CCDC85A: variants seen among roughly 807,000 people sequenced by gnomAD.
CCDC85A encodes the protein coiled-coil domain containing 85A, also known as coiled-coil domain-containing protein 85A.
A neutral mutation model predicts 50.2 loss-of-function variants in CCDC85A; 38 were observed. The ratio of observed to expected loss-of-function variants is 0.76; its 90% CI spans 0.58 to 0.99. CCDC85A has a LOEUF of 0.99. Among genes scored for constraint, CCDC85A ranks in the 50% least tolerant of loss-of-function variants. CCDC85A has a pLI of 0.00. For missense variants in CCDC85A, 820 were observed against 742.0 expected, an observed-to-expected ratio of 1.11 and a Z score of -1.22; for synonymous variants, 366 against 301.4, an observed-to-expected ratio of 1.21 and a Z score of -2.22.
chr2:56,355,824 T>C (rs35700605), intron 3 of CCDC85A, among the ~76,000 whole-genome samples: 15,728 of 152,204 alleles, frequency 0.1, 883 homozygotes, highest in Non-Finnish European at 0.12. Flanking sequence ...TTTCATGACC[T>C]AAAATGCCTC....
At chr2:56,338,965 C>T (rs1209602646) in intron 2 of CCDC85A, among the ~76,000 whole-genome samples, 2 of 152,000 alleles carry the variant, frequency 1.3e-5, no homozygotes, top group Non-Finnish European at 2.9e-5. Context: ...TGTGTTTTAC[C>T]CCCAGGAAGA....
At chr2:56,250,690 G>A (rs182273054) in intron 2 of CCDC85A, among the ~76,000 whole-genome samples, 1 of 152,248 alleles carries the variant, frequency 6.6e-6, no homozygotes, top group East Asian at 1.9e-4. Flanking sequence ...AATTGCTAAT[G>A]TGTGCTTCTT....
At chr2:56,314,140 C>T (rs886693471) in intron 2 of CCDC85A, among the ~76,000 whole-genome samples, 4 of 149,030 alleles carry the variant, frequency 2.7e-5, no homozygotes, top group African/African-American at 7.5e-5. Flanking sequence ...TGAATGAGCT[C>T]GGGCACTTAG....
chr2:56,259,135 A>T (rs1383345584), intron 2 of CCDC85A, among the ~76,000 whole-genome samples: 5 of 152,178 alleles, frequency 3.3e-5, no homozygotes, highest in Non-Finnish European at 5.9e-5. Flanking sequence ...AGTTGGGGTT[A>T]TCATGTACTA....
chr2:56,259,819 A>T (rs1366278926), intron 2 of CCDC85A, among the ~76,000 whole-genome samples: 9 of 152,184 alleles, frequency 5.9e-5, no homozygotes, highest in Admixed American at 5.9e-4. Context: ...TTCAGTACTG[A>T]TGATGACACA....
chr2:56,369,771 T>A (rs1675983869), intron 3 of CCDC85A, among the ~76,000 whole-genome samples: 1 of 152,082 alleles, frequency 6.6e-6, no homozygotes, highest in Non-Finnish European at 1.5e-5. Flanking sequence ...TCCCCCTTTT[T>A]CTTCTTTTCA....
At chr2:56,360,347 G>A (rs11695012) in intron 3 of CCDC85A, among the ~76,000 whole-genome samples, 1 of 152,126 alleles carries the variant, frequency 6.6e-6, no homozygotes, top group Non-Finnish European at 1.5e-5. Flanking sequence ...TTGAGGACAA[G>A]TGACTTGCTG....
intron 2 of CCDC85A, among the ~76,000 whole-genome samples, chr2:56,258,036 A>T (rs1226252058): frequency 6.6e-6 from 1 of 152,148 alleles, no homozygotes; most frequent in Non-Finnish European, 1.5e-5. Context: ...CCATGTTAGG[A>T]TTTATCAGAG....
chr2:56,225,031 C>A (rs1668484837), intron 2 of CCDC85A, among the ~76,000 whole-genome samples: 1 of 151,948 alleles, frequency 6.6e-6, no homozygotes, highest in Non-Finnish European at 1.5e-5. Context: ...CCTATTATTT[C>A]TTCTAAGATA....
chr2:56,210,793 C>A (rs1443814775), intron 2 of CCDC85A, among the ~76,000 whole-genome samples: 1 of 151,964 alleles, frequency 6.6e-6, no homozygotes, highest in Non-Finnish European at 1.5e-5. Context: ...CCTAGCAGAA[C>A]AAGGCAAAAG....
At chr2:56,184,927 C>G (rs1302268495) in intron 1 of CCDC85A, 27 bp downstream of exon 1, 4 of 1,455,574 alleles carry the variant, frequency 2.7e-6, no homozygotes, top group Admixed American at 4.7e-5. Context: ...TGGGGAGGCG[C>G]GGCGCGGCTG....
intron 2 of CCDC85A, chr2:56,235,173 A>T (rs1668951499): frequency 6.6e-6 from 1 of 152,180 alleles, no homozygotes; most frequent in African/African-American, 2.4e-5. Context: ...CCTAATCTGC[A>T]AGCTTGTCTA....
At chr2:56,341,194 T>C (rs776927555) in intron 2 of CCDC85A, among the ~76,000 whole-genome samples, 4 of 152,180 alleles carry the variant, frequency 2.6e-5, no homozygotes, top group Non-Finnish European at 5.9e-5. Flanking sequence ...CAGAGGAAGA[T>C]CATATACCAA....
intron 2 of CCDC85A, among the ~76,000 whole-genome samples, chr2:56,324,691 C>T (rs1227431497): frequency 2.0e-5 from 3 of 151,886 alleles, no homozygotes; most frequent in Admixed American, 1.3e-4. Context: ...GTGTTTATTC[C>T]ATAAAGTCAA....
At chr2:56,287,842 T>C (rs1292479898) in intron 2 of CCDC85A, among the ~76,000 whole-genome samples, 1 of 152,236 alleles carries the variant, frequency 6.6e-6, no homozygotes, top group Admixed American at 6.5e-5. Flanking sequence ...CATATAAATG[T>C]GGACTACTTT....
intron 2 of CCDC85A, among the ~76,000 whole-genome samples, chr2:56,321,357 G>A (rs879206128): frequency 6.6e-6 from 1 of 152,184 alleles, no homozygotes; most frequent in Non-Finnish European, 1.5e-5. Context: ...AATTGTCCCT[G>A]TTTGCAGATG....
rs2104413293 is a variant in CCDC85A at position 56,384,450 on chromosome 2, C to T, written c.*95C>T. On this transcript the variant is annotated 3_prime_UTR_variant, in exon 6 of 6. Transcript: ENST00000407595. ...GAGTGGGTTTCCACAAACCTGGACT[C>T]ATGGAATAACATGGAGTGATTGTAC... 2 of 952,952 alleles carry T rather than the reference C, an allele frequency of 2.1e-6. No individual in the cohort carries two copies. The highest frequency in any genetic ancestry group is 3.3e-6 in the Non-Finnish European group (2 of 602,866). The allele number at this position is 952,952 out of a possible 1,614,324, so 59.0% of individuals were successfully genotyped here.
chr2:56,314,925 G>A lies in CCDC85A; in HGVS notation c.1241-27954G>A, dbSNP rs552029318. Among the ~76,000 whole-genome samples, 6 of 152,244 alleles carry A rather than the reference G, an allele frequency of 3.9e-5. No homozygotes were observed. In the South Asian group the frequency reaches 1.2e-3, roughly 32 times the overall value. ...TTCCCAGATCATCACTTAGAGGAAAGGGTGTGGATAGAGACTGTAATTGTT... is the reference window on the plus strand; with the variant it reads ...TTCCCAGATCATCACTTAGAGGAAAAGGTGTGGATAGAGACTGTAATTGTT... On this transcript the variant is annotated intron_variant, in intron 2 of 5. Coordinates refer to ENST00000407595, the MANE Select transcript of CCDC85A (RefSeq NM_001080433.2).
rs530553099 is a variant in CCDC85A, at chr2:56,222,963, T to G, written c.1240+29523T>G. ...TACATTCCTGATTTTAAACCAATGA[T>G]AGTTTTACCTATCTTGATTTATCAT... On this transcript the variant is annotated intron_variant, in intron 2 of 5. Transcript: ENST00000407595. Among the ~76,000 whole-genome samples the G allele has an allele frequency of 2.2e-3, 335 of 152,250 alleles. 3 individuals are homozygous for G. The highest frequency in any genetic ancestry group is 7.5e-3 in the African/African-American group (310 of 41,572).
Sources: gnomAD v4.1 joint callset for allele counts (sites outside exome capture counted in the v4.1 genomes callset) on GRCh38, gnomAD v4.1.1 for gene constraint, MANE v1.5 for transcripts, NCBI Gene and HGNC (gene_info 2026-07-23, HGNC 2026-07-21) for gene names.